The following MEGF9 variants were observed in gnomAD, a reference collection of about 807,000 sequenced individuals.
MEGF9 encodes multiple EGF like domains 9.
In MEGF9, 6 loss-of-function variants were observed where a neutral mutation model predicts 46.8. That is an observed-to-expected ratio of 0.13 (90% CI 0.07 to 0.25). The LOEUF is 0.25. Ranked by LOEUF, MEGF9 falls within the 10% of genes least tolerant of loss-of-function variation. MEGF9 has a pLI of 1.00. For synonymous variants in MEGF9, 302 were observed against 330.7 expected (o/e 0.91, Z 0.94); for missense variants, 683 against 792.4 (o/e 0.86, Z 1.66).
intron 1 of MEGF9, among the ~76,000 whole-genome samples, chr9:120,708,038 C>A (rs1262041542): frequency 2.0e-5 from 3 of 151,560 alleles, no homozygotes; most frequent in African/African-American, 7.3e-5. Flanking sequence ...AAGTGAGACT[C>A]TGTCTCAAAC....
At chr9:120,670,161 C>T (rs542651023) in intron 1 of MEGF9, among the ~76,000 whole-genome samples, 22 of 152,302 alleles carry the variant, frequency 1.4e-4, no homozygotes, top group African/African-American at 5.3e-4. Context: ...CCATGGCACA[C>T]TCCCAGCTCA....
intron 1 of MEGF9, chr9:120,691,507 C>A: frequency 2.6e-6 from 1 of 378,280 alleles, no homozygotes; most frequent in African/African-American, 2.2e-5. Flanking sequence ...AATATGCACA[C>A]TAGGCAAAAG....
chr9:120,625,835 A>C (rs376107874), intron 2 of MEGF9, among the ~76,000 whole-genome samples: 1 of 99,426 alleles, frequency 1.0e-5, no homozygotes, highest in African/African-American at 4.7e-5. Flanking sequence ...CTGTCTCACA[A>C]AAAAAAAAAA....
chr9:120,613,277 T>TATA (rs2132299688), intron 3 of MEGF9, among the ~76,000 whole-genome samples: 1 of 152,158 alleles, frequency 6.6e-6, no homozygotes, highest in Admixed American at 6.5e-5. Flanking sequence ...ACCAGATGGA[T>TATA]ATAAACATGA....
intron 1 of MEGF9, among the ~76,000 whole-genome samples, chr9:120,674,083 T>C (rs2043762483): frequency 6.6e-6 from 1 of 151,042 alleles, no homozygotes. Context: ...GACCTTGCAT[T>C]AGGCAAAGAG....
chr9:120,678,727 G>T (rs963968442), intron 1 of MEGF9, among the ~76,000 whole-genome samples: 22 of 152,170 alleles, frequency 1.4e-4, no homozygotes, highest in Non-Finnish European at 2.2e-4. Context: ...ACCTGCCTCG[G>T]CCTCCCAAAG....
intron 1 of MEGF9, among the ~76,000 whole-genome samples, chr9:120,681,685 A>AT (rs201087439): frequency 0.013 from 2,042 of 152,254 alleles, 44 homozygotes; most frequent in African/African-American, 0.044. Flanking sequence ...TTCTATCCTA[A>AT]TTACCATATA....
At chr9:120,659,788 AGTGTGTGT>A (rs67080202) in intron 1 of MEGF9, among the ~76,000 whole-genome samples, 10 of 143,016 alleles carry the variant, frequency 7.0e-5, no homozygotes, top group East Asian at 6.1e-4. Context: ...TGTGTGTGAC[AGTGTGTGT>A]GTGTGTGTGT....
chr9:120,649,734 T>C (rs1280555830), intron 2 of MEGF9, among the ~76,000 whole-genome samples: 1 of 152,254 alleles, frequency 6.6e-6, no homozygotes, highest in Non-Finnish European at 1.5e-5. Flanking sequence ...TGACCAGAAA[T>C]ATGCATATGA....
intron 2 of MEGF9, among the ~76,000 whole-genome samples, chr9:120,631,323 C>T (rs890432058): frequency 3.9e-5 from 6 of 152,110 alleles, no homozygotes; most frequent in African/African-American, 1.2e-4. Flanking sequence ...TTATTCCATT[C>T]CATTAGTCTA....
At chr9:120,642,318 C>A (rs1476254915) in intron 2 of MEGF9, among the ~76,000 whole-genome samples, 1 of 152,314 alleles carries the variant, frequency 6.6e-6, no homozygotes, top group Middle Eastern at 3.4e-3. Context: ...GCTAGCCTTG[C>A]ACTTACATTG....
rs148540447 is a variant in MEGF9, at chr9:120,656,084, G to A, written c.803+3290C>T. On this transcript the variant is annotated intron_variant, in intron 2 of 5. Coordinates refer to ENST00000373930, the MANE Select transcript of MEGF9 (RefSeq NM_001080497.3). ...AGAGGCTTTCTACTAGGAAAAACAC[G>A]AACTGTGAAGTCATTTGGTGGACTC... Among the ~76,000 whole-genome samples, 6 of 152,282 alleles carry A rather than the reference G, an allele frequency of 3.9e-5. 1 individual carries two copies. The South Asian group carries it at 1.2e-3, about 32-fold the overall frequency.
At chr9:120,697,021 G>A (rs2043880758) in intron 1 of MEGF9, among the ~76,000 whole-genome samples, 1 of 152,168 alleles carries the variant, frequency 6.6e-6, no homozygotes, top group Non-Finnish European at 1.5e-5. Context: ...ATAAGGAAGG[G>A]GAATGCACCC....
At chr9:120,618,754 T>C (rs776031767) in intron 3 of MEGF9, among the ~76,000 whole-genome samples, 16 of 151,448 alleles carry the variant, frequency 1.1e-4, no homozygotes, top group Admixed American at 2.6e-4. Context: ...AAAAATTAGC[T>C]GGGCGTGTGA....
chr9:120,633,955 T>A (rs977413419), intron 2 of MEGF9, among the ~76,000 whole-genome samples: 5 of 152,234 alleles, frequency 3.3e-5, no homozygotes, highest in African/African-American at 1.2e-4. Flanking sequence ...ATACCTGATA[T>A]AATATTAATT....
chr9:120,631,349 G>A (rs190696809), intron 2 of MEGF9, among the ~76,000 whole-genome samples: 1 of 152,216 alleles, frequency 6.6e-6, no homozygotes, highest in African/African-American at 2.4e-5. Flanking sequence ...CTGTTTTTAT[G>A]CCAGTACCAT....
chr9:120,691,447 G>A (rs1489681897), intron 1 of MEGF9: 3 of 482,196 alleles, frequency 6.2e-6, no homozygotes, highest in East Asian at 6.5e-5. Flanking sequence ...ATACTTTTGG[G>A]GCATCTTTGC....
At chr9:120,684,119 A>G (rs2043810925) in intron 1 of MEGF9, among the ~76,000 whole-genome samples, 2 of 152,198 alleles carry the variant, frequency 1.3e-5, no homozygotes, top group African/African-American at 2.4e-5. Flanking sequence ...AAAGGACTAG[A>G]GAAGGTAGAC....
chr9:120,629,872 G>A (rs1202745368), intron 2 of MEGF9, among the ~76,000 whole-genome samples: 1 of 151,942 alleles, frequency 6.6e-6, no homozygotes, highest in Admixed American at 6.6e-5. Context: ...GGTGGAGGTT[G>A]CAGTGAGCTG....
Sources: gnomAD v4.1 joint callset for allele counts (sites outside exome capture counted in the v4.1 genomes callset) on GRCh38, gnomAD v4.1.1 for gene constraint, MANE v1.5 for transcripts, NCBI Gene and HGNC (gene_info 2026-07-23, HGNC 2026-07-21) for gene names.